Variants in GRK5 observed in about 807,000 individuals in gnomAD.
The protein encoded by GRK5 is G protein-coupled receptor kinase 5.
A neutral mutation model predicts 78.4 loss-of-function variants in GRK5; 40 were observed. The observed-to-expected ratio is 0.51, with a 90% CI of 0.40 to 0.66. The LOEUF is 0.66. Among genes scored for constraint, GRK5 ranks in the 30% least tolerant of loss-of-function variants. The probability of loss-of-function intolerance (pLI) is 0.00; values close to 1 mark genes in which losing one functional copy is unlikely to be tolerated. For synonymous variants in GRK5, 289 were observed against 296.8 expected, an observed-to-expected ratio of 0.97 and a Z score of 0.27; for missense variants, 598 against 759.9, an observed-to-expected ratio of 0.79 and a Z score of 2.50.
At chr10:119,444,562 C>T (rs1456817332) in intron 12 of GRK5, among the ~76,000 whole-genome samples, 1 of 152,174 alleles carries the variant, frequency 6.6e-6, no homozygotes, top group Non-Finnish European at 1.5e-5. Flanking sequence ...TTGGGGCCCT[C>T]CTCCTTATGG....
intron 1 of GRK5, among the ~76,000 whole-genome samples, chr10:119,298,439 T>A (rs928567949): frequency 1.3e-5 from 2 of 152,214 alleles, no homozygotes; most frequent in Non-Finnish European, 2.9e-5. Context: ...GTCCCACCGA[T>A]GGCCGTGAAT....
chr10:119,212,067 C>T (rs751592625), intron 1 of GRK5, among the ~76,000 whole-genome samples: 7 of 152,188 alleles, frequency 4.6e-5, no homozygotes, highest in Non-Finnish European at 8.8e-5. Flanking sequence ...TCTTACCAAG[C>T]GACAGCTTTC....
At chr10:119,442,847 G>C (rs1853065077) in intron 11 of GRK5, among the ~76,000 whole-genome samples, 1 of 152,214 alleles carries the variant, frequency 6.6e-6, no homozygotes, top group Non-Finnish European at 1.5e-5. Context: ...GTGAGTGTGT[G>C]TGTGCCCACA....
intron 4 of GRK5, among the ~76,000 whole-genome samples, chr10:119,402,792 T>G (rs1046048802): frequency 9.8e-5 from 15 of 152,334 alleles, no homozygotes; most frequent in South Asian, 4.1e-4. Context: ...ACGGGGAGGT[T>G]GCAGTGAGCC....
chr10:119,296,878 G>T (rs1222432166), intron 1 of GRK5, among the ~76,000 whole-genome samples: 1 of 152,228 alleles, frequency 6.6e-6, no homozygotes, highest in Non-Finnish European at 1.5e-5. Context: ...CCAAGCGCAG[G>T]GCCCCACCCC....
At chr10:119,326,363 G>C (rs1185207189) in intron 1 of GRK5, among the ~76,000 whole-genome samples, 153 bp from the exon 2 acceptor site, 1 of 152,220 alleles carries the variant, frequency 6.6e-6, no homozygotes, top group Non-Finnish European at 1.5e-5. Flanking sequence ...GAGTGTGTGT[G>C]TTTGTGTGTG....
At chr10:119,304,775 C>T (rs1046750527) in intron 1 of GRK5, among the ~76,000 whole-genome samples, 3 of 152,228 alleles carry the variant, frequency 2.0e-5, no homozygotes, top group Non-Finnish European at 4.4e-5. Flanking sequence ...GCATGAGAAC[C>T]GACCCCATGC....
intron 2 of GRK5, among the ~76,000 whole-genome samples, chr10:119,367,159 T>C (rs1851463180): frequency 6.6e-6 from 1 of 152,136 alleles, no homozygotes; most frequent in Non-Finnish European, 1.5e-5. Context: ...GAACCAAAGC[T>C]CATGTCTTTC....
chr10:119,439,841 C>T (rs1852996998), intron 10 of GRK5, 73 bp downstream of exon 10: 1 of 1,466,148 alleles, frequency 6.8e-7, no homozygotes, highest in African/African-American at 1.4e-5. Flanking sequence ...CCCAGGGATT[C>T]TCAGAGAGGG....
chr10:119,449,320 TG>T (rs1345251257), intron 13 of GRK5, among the ~76,000 whole-genome samples: 1 of 152,172 alleles, frequency 6.6e-6, no homozygotes, highest in Non-Finnish European at 1.5e-5. Context: ...GGACCGTCCT[TG>T]GAACTCTGGC....
chr10:119,260,372 C>CTTTTTT (rs56407821), intron 1 of GRK5, among the ~76,000 whole-genome samples: 2 of 101,436 alleles, frequency 2.0e-5, no homozygotes, highest in Non-Finnish European at 3.8e-5. Context: ...TAACCGTCTG[C>CTTTTTT]TTTTTTTTTT....
At chr10:119,426,450 C>T (rs879600816) in intron 6 of GRK5, among the ~76,000 whole-genome samples, 4 of 152,238 alleles carry the variant, frequency 2.6e-5, no homozygotes, top group Non-Finnish European at 5.9e-5. Flanking sequence ...AGTCCCGCCT[C>T]TGCCTCTTCC....
In GRK5 at chr10:119,272,798, T is replaced by C. The variant is rs7088728; in HGVS notation, c.53-53718T>C. 8.5e-3 allele frequency among the ~76,000 whole-genome samples: 1,293 copies of C among 152,188 alleles called. 16 individuals carry two copies. The highest frequency in any genetic ancestry group is 0.03 in the African/African-American group (1,233 of 41,532). On this transcript the variant is annotated intron_variant, in intron 1 of 15. Coordinates refer to ENST00000392870, the MANE Select transcript of GRK5 (RefSeq NM_005308.3). ...GTGGGGAGCAGAGGAGGTGTCATGG[T>C]CCTTAAGGCCTGACCTGTCAGATAT...
At chr10:119,388,442 T>C (rs1851834782) in intron 3 of GRK5, among the ~76,000 whole-genome samples, 1 of 152,218 alleles carries the variant, frequency 6.6e-6, no homozygotes, top group South Asian at 2.1e-4. Flanking sequence ...GTTCAAGTGA[T>C]TCTCGTGCCT....
chr10:119,234,329 G>T (rs572622030), intron 1 of GRK5, among the ~76,000 whole-genome samples: 1 of 152,274 alleles, frequency 6.6e-6, no homozygotes, highest in Non-Finnish European at 1.5e-5. Context: ...CCTCACGTTG[G>T]TGTTGACAAA....
chr10:119,369,594 C>CA (rs1474261279), intron 2 of GRK5, among the ~76,000 whole-genome samples: 1 of 152,170 alleles, frequency 6.6e-6, no homozygotes, highest in African/African-American at 2.4e-5. Context: ...TGTAAAAACT[C>CA]AAAAATATGG....
At chr10:119,288,976 G>C (rs1443738760) in intron 1 of GRK5, among the ~76,000 whole-genome samples, 1 of 152,210 alleles carries the variant, frequency 6.6e-6, no homozygotes, top group Non-Finnish European at 1.5e-5. Flanking sequence ...AGAGGGCTGA[G>C]TCTGTTTATT....
At chr10:119,420,564 TTTTC>T (rs1308378997) in intron 4 of GRK5, among the ~76,000 whole-genome samples, 3 of 151,454 alleles carry the variant, frequency 2.0e-5, no homozygotes, top group South Asian at 2.1e-4. Flanking sequence ...TTTTTTTTCT[TTTTC>T]TTTCTTTTTT....
At chr10:119,362,867 T>G (rs1851388326) in intron 2 of GRK5, among the ~76,000 whole-genome samples, 2 of 152,250 alleles carry the variant, frequency 1.3e-5, no homozygotes, top group Non-Finnish European at 2.9e-5. Flanking sequence ...TAGATGAGAC[T>G]AAGCTGGTGA....
Sources: allele counts gnomAD v4.1 joint callset (sites outside exome capture counted in the v4.1 genomes callset), GRCh38; gene constraint gnomAD v4.1.1; transcripts MANE v1.5; gene names NCBI Gene and HGNC (gene_info 2026-07-23, HGNC 2026-07-21).